Variants in GSG1L observed in about 807,000 individuals in gnomAD.
GSG1L encodes the protein germ cell-specific gene 1-like protein.
A neutral mutation model predicts 42.1 loss-of-function variants in GSG1L; 24 were observed. That is an observed-to-expected ratio of 0.57 (90% CI 0.41 to 0.80). GSG1L has a LOEUF of 0.80. Among genes scored for constraint, GSG1L ranks in the 30% least tolerant of loss-of-function variants. GSG1L has a pLI of 0.00. For synonymous variants in GSG1L, 215 were observed against 203.5 expected (o/e 1.06, Z -0.48); for missense variants, 445 against 472.2 (o/e 0.94, Z 0.53).
intron 3 of GSG1L, among the ~76,000 whole-genome samples, chr16:27,852,865 G>A (rs1352478900): frequency 2.6e-5 from 4 of 152,082 alleles, no homozygotes; most frequent in Non-Finnish European, 5.9e-5. Flanking sequence ...CGCAGGTGAG[G>A]ATGAGGATGG....
chr16:28,034,948 G>A (rs1187768402), intron 1 of GSG1L, among the ~76,000 whole-genome samples: 1 of 152,180 alleles, frequency 6.6e-6, no homozygotes, highest in Non-Finnish European at 1.5e-5. Context: ...ACAATGGAGA[G>A]AGGAGTGCCT....
intron 3 of GSG1L, among the ~76,000 whole-genome samples, chr16:27,875,844 G>C (rs1324898498): frequency 6.6e-6 from 1 of 152,110 alleles, no homozygotes; most frequent in Non-Finnish European, 1.5e-5. Flanking sequence ...AATGAGCCTG[G>C]GCTACTTGTA....
intron 5 of GSG1L, among the ~76,000 whole-genome samples, chr16:27,822,249 G>C (rs763893244): frequency 8.5e-5 from 13 of 152,144 alleles, no homozygotes; most frequent in Non-Finnish European, 1.3e-4. Context: ...GAGTTACCTG[G>C]GGACTCACAG....
At chr16:27,879,458 T>G (rs139957357) in intron 3 of GSG1L, among the ~76,000 whole-genome samples, 1 of 152,108 alleles carries the variant, frequency 6.6e-6, no homozygotes, top group East Asian at 1.9e-4. Flanking sequence ...AATTAAAAAT[T>G]AAAAAAATTA....
chr16:28,040,762 G>C lies in GSG1L; in HGVS notation c.349+22314C>G, dbSNP rs1410512884. Among the ~76,000 whole-genome samples, 1 of 152,172 alleles carries C rather than the reference G, an allele frequency of 6.6e-6. No individual in the cohort carries two copies. Among genetic ancestry groups the C allele is most frequent in the Non-Finnish European group, 1.5e-5 (1 of 68,022 alleles). The stretch of plus-strand genomic sequence containing the variant: ...TGCAGGTGGCTCTGGAGCCCCACAT[G>C]CCCGCCCCAGGCAGGGTAGTGCTGA... On this transcript the variant is annotated intron_variant, in intron 1 of 6. Coordinates refer to ENST00000447459, the MANE Select transcript of GSG1L (RefSeq NM_001109763.2). This position sits in a 1 kb window ranked among gnomAD's most constrained non-coding sequence, Gnocchi z 4.1.
intron 1 of GSG1L, among the ~76,000 whole-genome samples, chr16:28,028,078 T>A (rs1043591677): frequency 6.6e-6 from 1 of 152,178 alleles, no homozygotes; most frequent in African/African-American, 2.4e-5. Context: ...ACATGTGTCA[T>A]TTCGTGAGTC....
chr16:27,976,591 C>G (rs997471745), intron 1 of GSG1L, among the ~76,000 whole-genome samples: 1 of 152,212 alleles, frequency 6.6e-6, no homozygotes, highest in African/African-American at 2.4e-5. Flanking sequence ...GATATCTACA[C>G]TAGCCAAGAA....
At chr16:27,859,437 G>T (rs1454606978) in intron 3 of GSG1L, among the ~76,000 whole-genome samples, 1 of 152,220 alleles carries the variant, frequency 6.6e-6, no homozygotes. Flanking sequence ...CCTCCGGCGA[G>T]TGCTAAGAGC....
At chr16:28,035,925 T>C (rs2086029996) in intron 1 of GSG1L, among the ~76,000 whole-genome samples, 1 of 152,212 alleles carries the variant, frequency 6.6e-6, no homozygotes, top group Non-Finnish European at 1.5e-5. Context: ...GGGATTCATT[T>C]GGATCAGCAA....
chr16:28,009,342 C>T (rs1482173782), intron 1 of GSG1L, among the ~76,000 whole-genome samples: 2 of 151,890 alleles, frequency 1.3e-5, no homozygotes, highest in African/African-American at 4.8e-5. Context: ...GCCTTCCTGA[C>T]CCCCCATTAT....
intron 1 of GSG1L, among the ~76,000 whole-genome samples, chr16:27,970,938 A>T (rs2085186990): frequency 6.6e-6 from 1 of 152,202 alleles, no homozygotes; most frequent in Admixed American, 6.5e-5. Context: ...TTGTCTTGGC[A>T]CACTTGCCAA....
chr16:27,903,921 T>G (rs551100804), intron 2 of GSG1L, among the ~76,000 whole-genome samples: 2 of 152,246 alleles, frequency 1.3e-5, no homozygotes, highest in South Asian at 2.1e-4. Flanking sequence ...CCCCTCACTT[T>G]CGACCCTGTC....
chr16:28,021,526 C>T (rs544298118), intron 1 of GSG1L, among the ~76,000 whole-genome samples: 160 of 152,266 alleles, frequency 1.1e-3, no homozygotes, highest in African/African-American at 3.7e-3. Flanking sequence ...TAATGCATTC[C>T]GTCTTCCCAG....
chr16:27,908,133 C>T (rs1481438776), intron 2 of GSG1L, among the ~76,000 whole-genome samples: 1 of 152,242 alleles, frequency 6.6e-6, no homozygotes, highest in Non-Finnish European at 1.5e-5. Context: ...GCACATTGCA[C>T]AACCAGTGCA....
At chr16:27,964,465 A>G (rs1007876613) in intron 1 of GSG1L, among the ~76,000 whole-genome samples, 4 of 152,278 alleles carry the variant, frequency 2.6e-5, no homozygotes, top group Admixed American at 6.5e-5. Context: ...AATCGTGGAT[A>G]GCACAATTGT....
intron 2 of GSG1L, among the ~76,000 whole-genome samples, chr16:27,944,424 C>G (rs993918495): frequency 1.7e-4 from 26 of 151,852 alleles, no homozygotes; most frequent in African/African-American, 6.3e-4. Context: ...GAGTTTGAGA[C>G]CAGCCTGGCC....
At chr16:27,940,246 CT>C (rs2084772955) in intron 2 of GSG1L, among the ~76,000 whole-genome samples, 1 of 151,888 alleles carries the variant, frequency 6.6e-6, no homozygotes, top group Non-Finnish European at 1.5e-5. Context: ...CACTTTTACA[CT>C]GTTGGTGGGA....
rs1217584593 is a variant in GSG1L, at chr16:28,055,218, C to T, written c.349+7858G>A. ...TTGCCCGGGCTGGAGCACAGTGACA[C>T]GATGACAGCTCACTGCAGCCTCAAA... On this transcript the variant is annotated intron_variant, in intron 1 of 6. Transcript: ENST00000447459. Among the ~76,000 whole-genome samples, 9 of 152,194 alleles carry T rather than the reference C, an allele frequency of 5.9e-5. No homozygotes were observed. The South Asian group carries it at 1.2e-3, about 21-fold the overall frequency.
intron 1 of GSG1L, among the ~76,000 whole-genome samples, chr16:28,008,010 G>T (rs1596695556): frequency 6.6e-6 from 1 of 152,184 alleles, no homozygotes; most frequent in Non-Finnish European, 1.5e-5. Context: ...ACGAGCCGTT[G>T]TTCTTCTGTC....
Sources: allele counts gnomAD v4.1 joint callset (sites outside exome capture counted in the v4.1 genomes callset), GRCh38; gene constraint gnomAD v4.1.1; non-coding constraint Gnocchi (gnomAD v3.1); transcripts MANE v1.5; gene names NCBI Gene and HGNC (gene_info 2026-07-23, HGNC 2026-07-21).